The following FER1L6 variants were observed in gnomAD, a reference collection of about 807,000 sequenced individuals.
FER1L6 encodes the protein fer-1 like family member 6.
Under a neutral mutation model 219.2 loss-of-function variants are expected in FER1L6, and 177 were observed. The ratio of observed to expected loss-of-function variants is 0.81; its 90% CI spans 0.71 to 0.91. The LOEUF (loss-of-function observed/expected upper bound fraction) is 0.91, where lower values mean the gene tolerates loss of function less well. FER1L6 is among the 40% of genes least tolerant of loss of function. FER1L6 has a pLI of 0.00. For synonymous variants in FER1L6, 768 were observed against 824.3 expected (o/e 0.93, Z 1.17); for missense variants, 2,153 against 2,259.9 (o/e 0.95, Z 0.96).
intron 34 of FER1L6, among the ~76,000 whole-genome samples, chr8:124,094,386 A>G (rs1212324291): frequency 6.6e-6 from 1 of 151,742 alleles, no homozygotes; most frequent in East Asian, 1.9e-4. Flanking sequence ...CCCTCTCTCT[A>G]AACTTTCCAT....
At chr8:124,043,099 C>G (rs901603868) in intron 20 of FER1L6, among the ~76,000 whole-genome samples, 1 of 152,150 alleles carries the variant, frequency 6.6e-6, no homozygotes, top group Non-Finnish European at 1.5e-5. Context: ...CCCAGTGCAC[C>G]AAGGCTGCCA....
At chr8:123,924,782 GC>G (rs1813501140) in intron 1 of FER1L6, 1 of 152,120 alleles carries the variant, frequency 6.6e-6, no homozygotes, top group East Asian at 1.9e-4. Context: ...TTAATGAGGT[GC>G]ACTGAACAAG....
intron 12 of FER1L6, among the ~76,000 whole-genome samples, chr8:123,995,562 T>C (rs922885635): frequency 6.6e-6 from 1 of 152,164 alleles, no homozygotes; most frequent in Non-Finnish European, 1.5e-5. Flanking sequence ...GTCTTCTCTT[T>C]TTTTTTAGTC....
intron 1 of FER1L6, among the ~76,000 whole-genome samples, chr8:123,890,550 G>T (rs1586443291): frequency 1.6e-5 from 2 of 126,662 alleles, no homozygotes; most frequent in Admixed American, 1.6e-4. Flanking sequence ...CATTTATTTT[G>T]TTTATTTAGA....
At chr8:124,119,551 C>G (rs894546329) in intron 40 of FER1L6, 56 bp from the exon 41 acceptor site, 1 of 1,168,026 alleles carries the variant, frequency 8.6e-7, no homozygotes, top group African/African-American at 1.5e-5. Context: ...GGGTCTTAAG[C>G]ATTCTGAGTG....
chr8:124,045,314 T>A (rs908604596), intron 20 of FER1L6, among the ~76,000 whole-genome samples: 1 of 152,230 alleles, frequency 6.6e-6, no homozygotes, highest in African/African-American at 2.4e-5. Flanking sequence ...TGCCACTTGC[T>A]GGCTCTGGAC....
intron 1 of FER1L6, among the ~76,000 whole-genome samples, chr8:123,936,462 GTTTTTTTTT>G (rs779012175): frequency 4.1e-5 from 4 of 97,928 alleles, no homozygotes; most frequent in African/African-American, 1.2e-4. Context: ...ATTGCAGCCT[GTTTTTTTTT>G]TTTTTTTTTT....
chr8:123,978,732 T>C (rs773751136), intron 10 of FER1L6, among the ~76,000 whole-genome samples: 11 of 152,244 alleles, frequency 7.2e-5, no homozygotes, highest in Non-Finnish European at 1.3e-4. Flanking sequence ...TTTAATTTTT[T>C]ACTTGATTAG....
intron 1 of FER1L6, among the ~76,000 whole-genome samples, chr8:123,951,684 T>C (rs1272269319): frequency 1.3e-5 from 2 of 152,264 alleles, no homozygotes; most frequent in Non-Finnish European, 2.9e-5. Context: ...ATTTATTCTT[T>C]GGATGGAAAG....
At chr8:123,959,096 T>A (rs890023463) in intron 2 of FER1L6, among the ~76,000 whole-genome samples, 7 of 152,148 alleles carry the variant, frequency 4.6e-5, no homozygotes, top group African/African-American at 1.7e-4. Flanking sequence ...CGGTCTGGTT[T>A]TTATAAGGTC....
chr8:124,023,338 C>G, intron 17 of FER1L6, 106 bp from the exon 18 acceptor site: 1 of 1,122,386 alleles, frequency 8.9e-7, no homozygotes. Flanking sequence ...TTTGTTTTGT[C>G]GAAGAGGGAA....
rs1812649800 is a variant in FER1L6, at chr8:123,891,623, G to C, written c.-8+39438G>C. Among the ~76,000 whole-genome samples the C allele has an allele frequency of 3.3e-5, 5 of 152,134 alleles. No individual in the cohort carries two copies. In the South Asian group the frequency reaches 1.0e-3, roughly 31 times the overall value. On this transcript the variant is annotated intron_variant, in intron 1 of 40. Coordinates refer to ENST00000522917, the MANE Select transcript of FER1L6 (RefSeq NM_001039112.2). ...ACAGGAAATCACAGTGTTTTAGTTG[G>C]TGACATGTTAGAATAATAGGACTTT...
intron 18 of FER1L6, among the ~76,000 whole-genome samples, chr8:124,032,820 CTAAGT>C (rs1417286996): frequency 6.6e-6 from 1 of 152,238 alleles, no homozygotes; most frequent in East Asian, 1.9e-4. Context: ...ATGTAGCACA[CTAAGT>C]TAAGAGCATT....
chr8:124,076,402 G>GT, intron 32 of FER1L6, 77 bp downstream of exon 32: 1 of 1,357,222 alleles, frequency 7.4e-7, no homozygotes, highest in South Asian at 1.2e-5. Flanking sequence ...GATAGTGCGT[G>GT]TATGTTTGTG....
rs1265924901 is a variant in FER1L6 at position 124,071,507 on chromosome 8, G to GCT, written c.3970_3971dup (p.Phe1325ProfsTer19). On this transcript the variant is annotated frameshift_variant and splice_region_variant, in exon 31 of 41. Coordinates refer to ENST00000522917, the MANE Select transcript of FER1L6 (RefSeq NM_001039112.2). LOFTEE classifies it high-confidence loss of function. ...ATGGGTTGCGTTTTGTGGTTCCAGG[G>GCT]CTCCTTCTGCATCTACAAAAGCCCC... 9 of 1,613,986 alleles carry GCT rather than the reference G, an allele frequency of 5.6e-6. No individual in the cohort carries two copies. Among genetic ancestry groups the GCT allele is most frequent in the Non-Finnish European group, 5.9e-6 (7 of 1,179,940 alleles).
intron 12 of FER1L6, among the ~76,000 whole-genome samples, chr8:123,994,327 C>T (rs1457436791): frequency 6.6e-6 from 1 of 152,148 alleles, no homozygotes; most frequent in Non-Finnish European, 1.5e-5. Flanking sequence ...TGGCTCTTCA[C>T]ATGCAGGGCA....
chr8:123,914,363 C>T (rs1359455789), intron 1 of FER1L6, among the ~76,000 whole-genome samples: 7 of 152,088 alleles, frequency 4.6e-5, no homozygotes, highest in Admixed American at 2.0e-4. Context: ...CTGTCATTGA[C>T]GGGGAAAAAG....
chr8:123,973,320 G>A (rs990222428), intron 6 of FER1L6, 114 bp from the exon 7 acceptor site: 1 of 789,268 alleles, frequency 1.3e-6, no homozygotes, highest in Non-Finnish European at 2.2e-6. Context: ...TTACAGCCTT[G>A]TGGTTTGATG....
chr8:124,010,486 T>G lies in FER1L6; in HGVS notation c.1701-108T>G. On this transcript the variant is annotated intron_variant, in intron 13 of 40. Transcript: ENST00000522917. ...TGTTAAAAGTTTGATAGTTTTTTCATCATGCCTCCCGAGTCCTGCCCAGAA... is the reference window on the plus strand; with the variant it reads ...TGTTAAAAGTTTGATAGTTTTTTCAGCATGCCTCCCGAGTCCTGCCCAGAA... 2.2e-6 allele frequency: 3 copies of G among 1,345,664 alleles called. No individual in the cohort carries two copies. In the South Asian group the frequency reaches 4.3e-5, roughly 19 times the overall value. The allele number at this position is 1,345,664 out of a possible 1,614,324, so 83.4% of individuals were successfully genotyped here. A position where few individuals can be genotyped will look rare whatever the true frequency, so the allele number is the denominator to read the frequency against.
Sources: gnomAD v4.1 joint callset for allele counts (sites outside exome capture counted in the v4.1 genomes callset) on GRCh38, gnomAD v4.1.1 for gene constraint, MANE v1.5 for transcripts, NCBI Gene and HGNC (gene_info 2026-07-23, HGNC 2026-07-21) for gene names.